Variants in GPC6 observed in about 807,000 individuals in gnomAD.
GPC6 encodes the protein glypican-6.
GPC6 carries 14 observed loss-of-function variants against 55.2 expected under a neutral mutation model. The observed-to-expected ratio is 0.25, with a 90% CI of 0.17 to 0.40. The LOEUF is 0.40. GPC6 is among the 10% of genes least tolerant of loss of function. GPC6 has a pLI of 1.00. For missense variants in GPC6, 641 were observed against 708.5 expected (o/e 0.90, Z 1.08); for synonymous variants, 278 against 259.6 (o/e 1.07, Z -0.68).
At chr13:93,834,068 C>T (rs1887640292) in intron 3 of GPC6, among the ~76,000 whole-genome samples, 1 of 152,136 alleles carries the variant, frequency 6.6e-6, no homozygotes, top group South Asian at 2.1e-4. Flanking sequence ...AATTTATATG[C>T]TCACTTTAGA....
intron 2 of GPC6, among the ~76,000 whole-genome samples, chr13:93,580,496 A>G (rs1876885568): frequency 1.3e-5 from 2 of 152,160 alleles, no homozygotes; most frequent in African/African-American, 2.4e-5. Flanking sequence ...GTCATTAACT[A>G]TTTGTCTCTC....
intron 4 of GPC6, among the ~76,000 whole-genome samples, chr13:94,177,204 AT>A: frequency 6.6e-6 from 1 of 152,336 alleles, no homozygotes; most frequent in South Asian, 2.1e-4. Flanking sequence ...AAATTTCAAC[AT>A]GTAAGAGAAC....
chr13:93,960,463 C>A (rs909471049), intron 3 of GPC6, among the ~76,000 whole-genome samples: 1 of 152,110 alleles, frequency 6.6e-6, no homozygotes, highest in Non-Finnish European at 1.5e-5. Context: ...GGACTTAGTT[C>A]TCTGCTAAAA....
intron 2 of GPC6, among the ~76,000 whole-genome samples, chr13:93,580,682 G>C (rs572997999): frequency 1.3e-3 from 194 of 152,026 alleles, no homozygotes; most frequent in African/African-American, 4.6e-3. Context: ...TTTTAATCTT[G>C]GTTAGATAGC....
At chr13:94,049,248 CA>C (rs776241623) in intron 4 of GPC6, among the ~76,000 whole-genome samples, 148 of 138,234 alleles carry the variant, frequency 1.1e-3, no homozygotes, top group East Asian at 3.7e-3. Context: ...GATCTTATCT[CA>C]AAAAAAAAAA....
chr13:93,739,129 G>A (rs1177849794), intron 2 of GPC6, among the ~76,000 whole-genome samples: 1 of 152,150 alleles, frequency 6.6e-6, no homozygotes, highest in Non-Finnish European at 1.5e-5. Flanking sequence ...AGATATGGAA[G>A]TAATATGGCC....
chr13:94,077,491 T>C (rs1257631386), intron 4 of GPC6, among the ~76,000 whole-genome samples: 1 of 151,772 alleles, frequency 6.6e-6, no homozygotes, highest in Non-Finnish European at 1.5e-5. Context: ...TTGCACTGGC[T>C]AAGATTTCTA....
chr13:93,593,383 G>T (rs568282708), intron 2 of GPC6, among the ~76,000 whole-genome samples: 77 of 152,230 alleles, frequency 5.1e-4, no homozygotes, highest in Non-Finnish European at 9.1e-4. Context: ...GACCTTCTGC[G>T]TAATATTGGG....
chr13:94,165,232 T>G (rs1349715552), intron 4 of GPC6, among the ~76,000 whole-genome samples: 1 of 148,234 alleles, frequency 6.7e-6, no homozygotes, highest in African/African-American at 2.5e-5. Flanking sequence ...GGAATACTAT[T>G]CATATATATA....
intron 1 of GPC6, among the ~76,000 whole-genome samples, chr13:93,358,659 G>A (rs1037983880): frequency 3.9e-5 from 6 of 152,116 alleles, no homozygotes; most frequent in African/African-American, 1.4e-4. Flanking sequence ...CATCTTTTGA[G>A]CCTTTAATAC....
intron 1 of GPC6, among the ~76,000 whole-genome samples, chr13:93,304,456 T>A (rs1878789133): frequency 6.6e-6 from 1 of 152,220 alleles, no homozygotes; most frequent in Non-Finnish European, 1.5e-5. Context: ...ATCTCTAGAA[T>A]CTTCCACATT....
chr13:94,239,265 T>C (rs1202763351), intron 4 of GPC6, among the ~76,000 whole-genome samples: 4 of 152,116 alleles, frequency 2.6e-5, no homozygotes, highest in African/African-American at 9.7e-5. Context: ...AGCAGCATTG[T>C]GAAAAAAACA....
chr13:94,265,436 C>G (rs1234811027), intron 4 of GPC6, among the ~76,000 whole-genome samples: 1 of 152,190 alleles, frequency 6.6e-6, no homozygotes, highest in Admixed American at 6.5e-5. Context: ...GTTCTTCTGA[C>G]TGCTTTTATT....
chr13:93,506,976 T>C (rs1422196990), intron 1 of GPC6, among the ~76,000 whole-genome samples: 2 of 135,814 alleles, frequency 1.5e-5, no homozygotes, highest in East Asian at 2.2e-4. Flanking sequence ...CAGAATGGTG[T>C]GAACCCGGGA....
At chr13:93,950,854 C>T (rs1219832983) in intron 3 of GPC6, among the ~76,000 whole-genome samples, 1 of 151,692 alleles carries the variant, frequency 6.6e-6, no homozygotes, top group Non-Finnish European at 1.5e-5. Flanking sequence ...GGAGAAACCA[C>T]AAGTTCTAAA....
At chr13:93,954,086 A>T (rs1486040736) in intron 3 of GPC6, among the ~76,000 whole-genome samples, 1 of 152,072 alleles carries the variant, frequency 6.6e-6, no homozygotes, top group Non-Finnish European at 1.5e-5. Flanking sequence ...ACCTCCTGGA[A>T]ACCGCCATTC....
At chr13:93,786,585 A>G (rs1885820824) in intron 2 of GPC6, among the ~76,000 whole-genome samples, 1 of 149,942 alleles carries the variant, frequency 6.7e-6, no homozygotes, top group African/African-American at 2.5e-5. Flanking sequence ...TTCCAGTTGA[A>G]AAAAAAAAAA....
At chr13:93,251,014 C>G (rs985825530) in intron 1 of GPC6, among the ~76,000 whole-genome samples, 61 of 152,124 alleles carry the variant, frequency 4.0e-4, no homozygotes, top group African/African-American at 1.4e-3. Context: ...GGGGTTTGCT[C>G]TTATAAAACC....
chr13:93,712,101 A>G (rs1390316827), intron 2 of GPC6, among the ~76,000 whole-genome samples: 1 of 151,758 alleles, frequency 6.6e-6, no homozygotes, highest in African/African-American at 2.4e-5. Context: ...TTCAAGAGTC[A>G]AGGAGCACAG....
Sources: allele counts gnomAD v4.1 joint callset (sites outside exome capture counted in the v4.1 genomes callset), GRCh38; gene constraint gnomAD v4.1.1; transcripts MANE v1.5; gene names NCBI Gene and HGNC (gene_info 2026-07-23, HGNC 2026-07-21).